The following CNTLN variants were observed in gnomAD, a reference collection of about 807,000 sequenced individuals.
CNTLN encodes the protein centlein.
CNTLN carries 212 observed loss-of-function variants against 180.0 expected under a neutral mutation model. That is an observed-to-expected ratio of 1.18 (90% CI 1.05 to 1.32). CNTLN has a LOEUF of 1.32. CNTLN is among the 40% of genes most tolerant of loss of function. CNTLN has a pLI of 0.00. For missense variants in CNTLN, 2,095 were observed against 1,610.9 expected, an observed-to-expected ratio of 1.30 and a Z score of -5.14; for synonymous variants, 722 against 563.1, an observed-to-expected ratio of 1.28 and a Z score of -3.99.
chr9:17,179,477 G>T (rs182101900), intron 2 of CNTLN, among the ~76,000 whole-genome samples: 181 of 152,178 alleles, frequency 1.2e-3, no homozygotes, highest in African/African-American at 4.2e-3. Context: ...ATTTTCAAGT[G>T]TTTGGCGATT....
chr9:17,466,658 A>T, intron 22 of CNTLN, 48 bp from the exon 23 acceptor site: 1 of 1,490,732 alleles, frequency 6.7e-7, no homozygotes, highest in South Asian at 1.3e-5. Flanking sequence ...ACTCTTCCAA[A>T]TCTGTTTATA....
chr9:17,379,689 T>A (rs1260840766), intron 13 of CNTLN, among the ~76,000 whole-genome samples: 2 of 152,210 alleles, frequency 1.3e-5, no homozygotes, highest in Non-Finnish European at 2.9e-5. Context: ...ACTTTTCTTC[T>A]TATTGAACAT....
chr9:17,275,361 A>T (rs2132531728), intron 6 of CNTLN, among the ~76,000 whole-genome samples: 1 of 152,226 alleles, frequency 6.6e-6, no homozygotes, highest in East Asian at 1.9e-4. Flanking sequence ...TCTAATCCCT[A>T]TTCTGTAACA....
intron 18 of CNTLN, among the ~76,000 whole-genome samples, chr9:17,451,233 T>A (rs941999429): frequency 1.3e-5 from 2 of 152,216 alleles, no homozygotes; most frequent in Admixed American, 1.3e-4. Flanking sequence ...ACATATATTC[T>A]GTTCAATTAG....
intron 18 of CNTLN, among the ~76,000 whole-genome samples, chr9:17,452,064 C>T (rs1017065110): frequency 8.5e-5 from 13 of 152,266 alleles, no homozygotes; most frequent in East Asian, 5.8e-4. Context: ...GCAACATGTT[C>T]GTTGAATAGG....
intron 10 of CNTLN, among the ~76,000 whole-genome samples, chr9:17,333,387 T>C (rs957620716): frequency 1.3e-5 from 2 of 152,142 alleles, no homozygotes; most frequent in Non-Finnish European, 2.9e-5. Context: ...GTTTTTTTTC[T>C]CTTTCATTCT....
chr9:17,251,055 G>A (rs1368985987), intron 5 of CNTLN, among the ~76,000 whole-genome samples: 1 of 151,808 alleles, frequency 6.6e-6, no homozygotes, highest in African/African-American at 2.4e-5. Flanking sequence ...TCCTTATTAC[G>A]TTAAATATGT....
intron 12 of CNTLN, among the ~76,000 whole-genome samples, chr9:17,356,710 C>G (rs949682837): frequency 6.6e-6 from 1 of 152,100 alleles, no homozygotes; most frequent in African/African-American, 2.4e-5. Context: ...AAATATTTAG[C>G]AGAACACACA....
intron 16 of CNTLN, among the ~76,000 whole-genome samples, chr9:17,409,895 A>G (rs1477634119): frequency 2.0e-5 from 3 of 152,138 alleles, no homozygotes; most frequent in Admixed American, 6.5e-5. Context: ...AAGTTCTAAT[A>G]CAACTTATTC....
chr9:17,517,622 G>A, the CNTLN span, among the ~76,000 whole-genome samples: 2 of 151,858 alleles, frequency 1.3e-5, no homozygotes, highest in Non-Finnish European at 2.9e-5. Flanking sequence ...AGGCTGCCTC[G>A]GCTGAAGGAA....
intron 18 of CNTLN, among the ~76,000 whole-genome samples, chr9:17,427,174 G>A (rs1829140001): frequency 6.6e-6 from 1 of 151,972 alleles, no homozygotes; most frequent in Admixed American, 6.6e-5. Flanking sequence ...TGCTGGCCCT[G>A]GTGATTTCCA....
intron 18 of CNTLN, among the ~76,000 whole-genome samples, chr9:17,430,458 T>C (rs1428326425): frequency 1.3e-5 from 2 of 152,070 alleles, no homozygotes; most frequent in Non-Finnish European, 2.9e-5. Flanking sequence ...GGGGTACATG[T>C]GATATTTTGT....
chr9:17,200,277 C>T (rs1222490196), intron 2 of CNTLN, among the ~76,000 whole-genome samples: 1 of 152,132 alleles, frequency 6.6e-6, no homozygotes, highest in Non-Finnish European at 1.5e-5. Context: ...AGCTTGGGGC[C>T]TCCAACTTTG....
intron 6 of CNTLN, among the ~76,000 whole-genome samples, chr9:17,296,422 C>T (rs933810153): frequency 2.6e-5 from 4 of 152,110 alleles, no homozygotes; most frequent in Non-Finnish European, 5.9e-5. Flanking sequence ...TACCAAATGT[C>T]TTCTAACATG....
chr9:17,301,652 G>T (rs889683688), intron 7 of CNTLN: 1 of 974,040 alleles, frequency 1.0e-6, no homozygotes, highest in South Asian at 4.8e-5. Context: ...TTAGATGCTT[G>T]TAGTTGTTCA....
At chr9:17,255,945 G>C (rs1357123998) in intron 5 of CNTLN, among the ~76,000 whole-genome samples, 1 of 151,844 alleles carries the variant, frequency 6.6e-6, no homozygotes, top group East Asian at 1.9e-4. Flanking sequence ...ATACAATTTT[G>C]TATTTGTTAG....
intron 2 of CNTLN, among the ~76,000 whole-genome samples, chr9:17,204,902 T>A (rs1822807795): frequency 6.6e-6 from 1 of 152,180 alleles, no homozygotes; most frequent in African/African-American, 2.4e-5. Context: ...AGGAGAAATC[T>A]AGAGTAGCAG....
intron 18 of CNTLN, among the ~76,000 whole-genome samples, chr9:17,433,373 C>A (rs1164624026): frequency 6.6e-6 from 1 of 151,828 alleles, no homozygotes; most frequent in Non-Finnish European, 1.5e-5. Context: ...CAGCCTCTGC[C>A]TCCTGGGTTC....
intron 2 of CNTLN, among the ~76,000 whole-genome samples, chr9:17,146,236 A>G (rs1818452174): frequency 6.6e-6 from 1 of 152,142 alleles, no homozygotes; most frequent in African/African-American, 2.4e-5. Flanking sequence ...TCTTTGTTTT[A>G]GCACTCTGTT....
Sources: allele counts gnomAD v4.1 joint callset (sites outside exome capture counted in the v4.1 genomes callset), GRCh38; gene constraint gnomAD v4.1.1; transcripts MANE v1.5; gene names NCBI Gene and HGNC (gene_info 2026-07-23, HGNC 2026-07-21).